The following HK1 variants were observed in gnomAD, a reference collection of about 807,000 sequenced individuals.
HK1 encodes hexokinase 1, also known as hexokinase-1.
HK1 carries 28 observed loss-of-function variants against 91.6 expected under a neutral mutation model. That is an observed-to-expected ratio of 0.31 (90% CI 0.23 to 0.42). The LOEUF (loss-of-function observed/expected upper bound fraction) is 0.42, where lower values mean the gene tolerates loss of function less well. HK1 is among the 10% of genes least tolerant of loss of function. HK1 has a pLI of 1.00. For missense variants in HK1, 770 were observed against 1,219.8 expected (o/e 0.63, Z 5.49); for synonymous variants, 430 against 468.1 (o/e 0.92, Z 1.05).
chr10:69,351,003 T>C (rs1401367212), intron 2 of HK1, among the ~76,000 whole-genome samples: 5 of 105,188 alleles, frequency 4.8e-5, no homozygotes, highest in African/African-American at 2.4e-4. Context: ...ACCCCGTCTC[T>C]ACTAAAAAAA....
chr10:69,316,797 C>T (rs7084213), upstream of HK1, among the ~76,000 whole-genome samples: 6 of 152,200 alleles, frequency 3.9e-5, no homozygotes, highest in African/African-American at 1.4e-4. Context: ...CCAGGCCCTG[C>T]GCTTGTGTAG....
chr10:69,400,887 C>A, intron 17 of HK1, 104 bp from the exon 18 acceptor site: 1 of 1,228,592 alleles, frequency 8.1e-7, no homozygotes, highest in Non-Finnish European at 1.2e-6. Flanking sequence ...AATCCTAAGT[C>A]GAATCATCAC....
At chr10:69,392,703 C>T (rs942245074) in intron 15 of HK1, among the ~76,000 whole-genome samples, 1 of 152,158 alleles carries the variant, frequency 6.6e-6, no homozygotes. Flanking sequence ...GAGCCTCCTG[C>T]ACCACCTAGT....
chr10:69,338,989 T>C (rs1465597779), intron 1 of HK1, among the ~76,000 whole-genome samples: 2 of 152,126 alleles, frequency 1.3e-5, no homozygotes, highest in African/African-American at 2.4e-5. Flanking sequence ...CCTTTCTTCC[T>C]CCCTCTCTCC....
upstream of HK1, among the ~76,000 whole-genome samples, chr10:69,312,388 C>T (rs553874190): frequency 2.9e-4 from 44 of 152,218 alleles, no homozygotes; most frequent in African/African-American, 1.1e-3. Flanking sequence ...AGGCTTGCAC[C>T]ACCACGCCCA....
At chr10:69,349,627 C>T (rs1848743592) in intron 2 of HK1, among the ~76,000 whole-genome samples, 1 of 152,142 alleles carries the variant, frequency 6.6e-6, no homozygotes, top group African/African-American at 2.4e-5. Flanking sequence ...GCTGTCTCAC[C>T]CCCAACCCCT....
chr10:69,369,368 TC>T lies in HK1; in HGVS notation c.691+33del, dbSNP rs2132815924. On this transcript the variant is annotated intron_variant, in intron 6 of 17. Coordinates refer to ENST00000359426, the MANE Select transcript of HK1 (RefSeq NM_000188.3). This position sits in a 1 kb window ranked among gnomAD's most constrained non-coding sequence, Gnocchi z 4.4. Reference sequence around the variant, plus strand: ...CATTCCCCTTTGCCCATCCATTTGTTCGGCCCATCTTTCCAGGTGGCTCTGC... The same window carrying T: ...CATTCCCCTTTGCCCATCCATTTGTTGGCCCATCTTTCCAGGTGGCTCTGC... 1 of 1,613,662 alleles carries T rather than the reference TC, an allele frequency of 6.2e-7. No homozygotes were observed. Among genetic ancestry groups the T allele is most frequent in the East Asian group, 2.2e-5 (1 of 44,878 alleles).
intron 14 of HK1, 190 bp downstream of exon 14, chr10:69,389,486 G>A (rs746941752): frequency 8.6e-6 from 5 of 582,348 alleles, no homozygotes; most frequent in East Asian, 7.4e-5. Flanking sequence ...AGGTGGGGGG[G>A]CCTTTCTTAA....
intron 10 of HK1, among the ~76,000 whole-genome samples, chr10:69,383,507 C>A (rs931302941): frequency 6.6e-6 from 1 of 152,250 alleles, no homozygotes; most frequent in Non-Finnish European, 1.5e-5. Flanking sequence ...CCTAATACCA[C>A]ATTATAAGCC....
intron 4 of HK1, among the ~76,000 whole-genome samples, chr10:69,299,154 A>G (rs1845717530): frequency 6.6e-6 from 1 of 151,120 alleles, no homozygotes; most frequent in Non-Finnish European, 1.5e-5. Flanking sequence ...CCAGTCAAAC[A>G]CACAAATTCT....
At chr10:69,301,144 GC>G (rs1185019123) in intron 5 of HK1, among the ~76,000 whole-genome samples, 1 of 151,188 alleles carries the variant, frequency 6.6e-6, no homozygotes, top group Non-Finnish European at 1.5e-5. Context: ...TACTCGGGAG[GC>G]TGAGGCAGAT....
At chr10:69,382,415 G>A in intron 9 of HK1, 72 bp from the exon 10 acceptor site, 1 of 1,464,660 alleles carries the variant, frequency 6.8e-7, no homozygotes, top group Non-Finnish European at 9.6e-7. Context: ...AGTGGAGAAA[G>A]AAAGGGTGGC....
At chr10:69,376,798 A>G (rs978830743) in intron 7 of HK1, 136 bp from the exon 8 acceptor site, 7 of 1,091,792 alleles carry the variant, frequency 6.4e-6, no homozygotes, top group Admixed American at 1.7e-5. Context: ...ACTCAAGCAC[A>G]TGGTTTTGCC....
chr10:69,377,267 T>C lies in HK1; in HGVS notation c.1031+178T>C, dbSNP rs151063168. 1.6e-3 allele frequency among the ~76,000 whole-genome samples: 239 copies of C among 152,258 alleles called. 1 individual carries two copies. Among genetic ancestry groups the C allele is most frequent in the African/African-American group, 5.5e-3 (229 of 41,544 alleles). ...TCTGGGCCGGACTCCCTGAAGGCAC[T>C]TGTGGCGGTTCATTAAAGAATGACA... On this transcript the variant is annotated intron_variant, in intron 8 of 17. Coordinates refer to ENST00000359426, the MANE Select transcript of HK1 (RefSeq NM_000188.3).
At chr10:69,376,030 C>T (rs1839084676) in intron 7 of HK1, among the ~76,000 whole-genome samples, 1 of 152,160 alleles carries the variant, frequency 6.6e-6, no homozygotes, top group African/African-American at 2.4e-5. Flanking sequence ...GTGAGTTCCT[C>T]AAAGCAAATT....
intron 1 of HK1, among the ~76,000 whole-genome samples, chr10:69,324,453 G>A (rs1413482412): frequency 8.5e-5 from 13 of 152,138 alleles, no homozygotes. Flanking sequence ...GGTGCCAGAT[G>A]TGGTGGCTCA....
chr10:69,318,728 G>A (rs368991027), upstream of HK1: 690 of 826,100 alleles, frequency 8.4e-4, 12 homozygotes, highest in South Asian at 0.015. Context: ...ACCAATGGGC[G>A]TGGAGGAGGT....
At chr10:69,398,501 G>A in intron 16 of HK1, 94 bp from the exon 17 acceptor site, 1 of 865,432 alleles carries the variant, frequency 1.2e-6, no homozygotes, top group Non-Finnish European at 1.9e-6. Flanking sequence ...GATGAGTACA[G>A]TGATTGGGGG....
intron 7 of HK1, among the ~76,000 whole-genome samples, chr10:69,371,404 C>G (rs1849997992): frequency 6.6e-6 from 1 of 151,800 alleles, no homozygotes; most frequent in African/African-American, 2.4e-5. Context: ...CTGAATAGCC[C>G]TGAATGTGCT....
Sources: allele counts gnomAD v4.1 joint callset (sites outside exome capture counted in the v4.1 genomes callset), GRCh38; gene constraint gnomAD v4.1.1; non-coding constraint Gnocchi (gnomAD v3.1); transcripts MANE v1.5; gene names NCBI Gene and HGNC (gene_info 2026-07-23, HGNC 2026-07-21).